TDRD3: variants seen among roughly 807,000 people sequenced by gnomAD.
TDRD3 encodes the protein tudor domain-containing protein 3.
Under a neutral mutation model 86.7 loss-of-function variants are expected in TDRD3, and 45 were observed. That is an observed-to-expected ratio of 0.52 (90% confidence interval 0.41 to 0.67). The LOEUF (loss-of-function observed/expected upper bound fraction) is 0.67, where lower values mean the gene tolerates loss of function less well. TDRD3 is among the 30% of genes least tolerant of loss of function. The pLI, the probability that TDRD3 is intolerant of heterozygous loss-of-function variation, is 0.00. For synonymous variants in TDRD3, 298 were observed against 301.7 expected (o/e 0.99, Z 0.13); for missense variants, 814 against 889.0 (o/e 0.92, Z 1.07).
At chr13:60,515,888 A>G (rs1957157301) in intron 10 of TDRD3, among the ~76,000 whole-genome samples, 1 of 152,174 alleles carries the variant, frequency 6.6e-6, no homozygotes, top group Admixed American at 6.6e-5. Flanking sequence ...AACTTCATTG[A>G]TGGGAGAAAA....
intron 3 of TDRD3, among the ~76,000 whole-genome samples, chr13:60,450,289 G>A (rs189049328): frequency 6.6e-6 from 1 of 152,174 alleles, no homozygotes; most frequent in African/African-American, 2.4e-5. Flanking sequence ...CCTCTTTTGA[G>A]CAGAATTAAT....
In TDRD3 at chr13:60,488,608, C is replaced by T. The variant is rs183857763; in HGVS notation, c.717+2660C>T. On this transcript the variant is annotated intron_variant, in intron 7 of 13. Coordinates refer to ENST00000377881, the MANE Select transcript of TDRD3 (RefSeq NM_001146070.2). ...TTTTTATTTTTGACAGAGTCTTGCT[C>T]TGTTGCCCAGGGTGGAGTGCAGTGG... Among the ~76,000 whole-genome samples, 755 of 151,992 alleles carry T rather than the reference C, an allele frequency of 5.0e-3. 3 individuals are homozygous for T. Among genetic ancestry groups the T allele is most frequent in the Middle Eastern group, 0.024 (7 of 294 alleles).
intron 1 of TDRD3, among the ~76,000 whole-genome samples, chr13:60,420,765 ACCCCGTC>A: frequency 6.6e-6 from 1 of 151,598 alleles, no homozygotes; most frequent in Non-Finnish European, 1.5e-5. Context: ...ACATGGTGAA[ACCCCGTC>A]TCTACTAAAA....
chr13:60,530,679 T>C (rs1215165232), intron 11 of TDRD3, among the ~76,000 whole-genome samples: 3 of 151,562 alleles, frequency 2.0e-5, no homozygotes, highest in Non-Finnish European at 4.4e-5. Context: ...GGTTTTGAAC[T>C]CCTGACCTCA....
chr13:60,477,336 TC>T (rs1956207160), intron 5 of TDRD3, among the ~76,000 whole-genome samples: 1 of 152,034 alleles, frequency 6.6e-6, no homozygotes, highest in African/African-American at 2.4e-5. Context: ...TGCCTCAGTC[TC>T]CTGAGTAGCT....
At chr13:60,496,496 T>G (rs1490938218) in intron 8 of TDRD3, among the ~76,000 whole-genome samples, 1 of 151,678 alleles carries the variant, frequency 6.6e-6, no homozygotes, top group Non-Finnish European at 1.5e-5. Context: ...AAAACTGCTA[T>G]GGACTCTACT....
Position 60,556,593 on chromosome 13 carries a change from C to T in TDRD3, c.2119-10932C>T, listed in dbSNP as rs529242338. On this transcript the variant is annotated intron_variant, in intron 12 of 13. Coordinates refer to ENST00000377881, the MANE Select transcript of TDRD3 (RefSeq NM_001146070.2). ...AATATGAGTGACCAGTAATTGAGCA[C>T]CTACTAAAAATATTAAAGCAAGATT... Among the ~76,000 whole-genome samples, 3 of 152,192 alleles carry T rather than the reference C, an allele frequency of 2.0e-5. No homozygotes were observed. The South Asian group carries it at 6.2e-4, about 32-fold the overall frequency.
intron 1 of TDRD3, among the ~76,000 whole-genome samples, chr13:60,398,449 G>A (rs972482028): frequency 1.3e-5 from 2 of 152,214 alleles, no homozygotes; most frequent in Admixed American, 1.3e-4. Flanking sequence ...TGCTGGAGAT[G>A]ACACAGGGAA....
At chr13:60,415,009 AGTTT>A (rs1166951873) in intron 1 of TDRD3, among the ~76,000 whole-genome samples, 2 of 151,974 alleles carry the variant, frequency 1.3e-5, no homozygotes, top group African/African-American at 2.4e-5. Flanking sequence ...ATATAGGAGG[AGTTT>A]GTTCTTAGAT....
chr13:60,520,385 C>T (rs1375449836), intron 10 of TDRD3, among the ~76,000 whole-genome samples: 1 of 152,054 alleles, frequency 6.6e-6, no homozygotes, highest in Non-Finnish European at 1.5e-5. Context: ...TTGATTATGG[C>T]TTTACTTAGA....
intron 1 of TDRD3, among the ~76,000 whole-genome samples, chr13:60,439,454 C>T (rs531976118): frequency 1.4e-4 from 22 of 152,014 alleles, no homozygotes; most frequent in Non-Finnish European, 3.1e-4. Flanking sequence ...TCTCAGAAAG[C>T]GTATGAATAA....
intron 7 of TDRD3, among the ~76,000 whole-genome samples, chr13:60,488,667 A>T (rs1175855859): frequency 6.6e-6 from 1 of 151,858 alleles, no homozygotes; most frequent in East Asian, 1.9e-4. Flanking sequence ...TCTGCCTCCC[A>T]GGTTCAAGCT....
chr13:60,537,013 A>G (rs748480342), intron 12 of TDRD3: 9 of 152,088 alleles, frequency 5.9e-5, no homozygotes, highest in Non-Finnish European at 1.2e-4. Flanking sequence ...CTACAGCAAT[A>G]CTTTCATATT....
intron 2 of TDRD3, among the ~76,000 whole-genome samples, chr13:60,442,371 A>ATGTGTGTG (rs35214486): frequency 6.6e-6 from 1 of 150,452 alleles, no homozygotes; most frequent in Non-Finnish European, 1.5e-5. Flanking sequence ...TAGGGATTTT[A>ATGTGTGTG]TGTGTGTGTG....
chr13:60,518,141 A>G (rs1052934215), intron 10 of TDRD3, among the ~76,000 whole-genome samples: 1 of 152,210 alleles, frequency 6.6e-6, no homozygotes, highest in Non-Finnish European at 1.5e-5. Context: ...GTGAAAATAT[A>G]CTACACTGCT....
chr13:60,533,304 T>G (rs769458249), intron 11 of TDRD3, among the ~76,000 whole-genome samples: 5 of 152,158 alleles, frequency 3.3e-5, no homozygotes, highest in African/African-American at 4.8e-5. Flanking sequence ...ATATGAATTT[T>G]TGTTGCCTGT....
chr13:60,536,748 C>T (rs920122273), intron 12 of TDRD3: 29 of 152,020 alleles, frequency 1.9e-4, no homozygotes, highest in African/African-American at 6.3e-4. Context: ...ACTTTTCTTA[C>T]GTGGCTTCTT....
At chr13:60,508,723 G>A (rs1956990879) in intron 8 of TDRD3, among the ~76,000 whole-genome samples, 1 of 152,116 alleles carries the variant, frequency 6.6e-6, no homozygotes, top group Admixed American at 6.6e-5. Flanking sequence ...TATATTTCTT[G>A]TGAAAAAAGT....
intron 3 of TDRD3, among the ~76,000 whole-genome samples, chr13:60,456,158 GT>G (rs1955665244): frequency 6.6e-6 from 1 of 150,752 alleles, no homozygotes; most frequent in African/African-American, 2.4e-5. Flanking sequence ...AAAAAAAATT[GT>G]TTTAAGTGTT....
Sources: allele counts gnomAD v4.1 joint callset (sites outside exome capture counted in the v4.1 genomes callset), GRCh38; gene constraint gnomAD v4.1.1; transcripts MANE v1.5; gene names NCBI Gene and HGNC (gene_info 2026-07-23, HGNC 2026-07-21).